Variants in SNTG1 observed in about 807,000 individuals in gnomAD.
SNTG1 encodes gamma-1-syntrophin.
SNTG1 carries 39 observed loss-of-function variants against 74.7 expected under a neutral mutation model. The observed-to-expected ratio is 0.52, with a 90% CI of 0.40 to 0.68. The LOEUF (loss-of-function observed/expected upper bound fraction) is 0.68. Among genes scored for constraint, SNTG1 ranks in the 30% least tolerant of loss-of-function variants. SNTG1 has a pLI of 0.00. For synonymous variants in SNTG1, 254 were observed against 217.1 expected, an observed-to-expected ratio of 1.17 and a Z score of -1.49; for missense variants, 685 against 609.5, an observed-to-expected ratio of 1.12 and a Z score of -1.30.
intron 15 of SNTG1, among the ~76,000 whole-genome samples, chr8:50,701,361 T>A (rs2131508314): frequency 6.6e-6 from 1 of 152,338 alleles, no homozygotes; most frequent in East Asian, 1.9e-4. Flanking sequence ...AATCATCCCA[T>A]GTCCTTCCCT....
intron 17 of SNTG1, among the ~76,000 whole-genome samples, chr8:50,724,209 C>T (rs946189021): frequency 2.6e-5 from 4 of 152,054 alleles, no homozygotes; most frequent in Non-Finnish European, 5.9e-5. Flanking sequence ...GGGTCACTGG[C>T]TGTGGAAGAT....
At chr8:50,058,663 A>G (rs904200228) in intron 1 of SNTG1, among the ~76,000 whole-genome samples, 1 of 152,142 alleles carries the variant, frequency 6.6e-6, no homozygotes. Flanking sequence ...ATGATGGCAC[A>G]ATAAAGCAAC....
chr8:49,964,773 A>G (rs766197737), intron 1 of SNTG1, among the ~76,000 whole-genome samples: 9 of 152,162 alleles, frequency 5.9e-5, no homozygotes, highest in African/African-American at 1.2e-4. Flanking sequence ...ATCCAGTTCC[A>G]TGATAGTAGG....
chr8:50,529,095 T>TTGTTATGTATTTGATATG (rs1436412888), intron 9 of SNTG1, among the ~76,000 whole-genome samples: 1 of 151,920 alleles, frequency 6.6e-6, no homozygotes, highest in Non-Finnish European at 1.5e-5. Flanking sequence ...ATGTTGTATT[T>TTGTTATGTATTTGATATG]TTATTTTTGT....
intron 1 of SNTG1, among the ~76,000 whole-genome samples, chr8:49,952,100 TATC>T (rs1412950988): frequency 2.0e-5 from 3 of 152,172 alleles, no homozygotes; most frequent in Non-Finnish European, 4.4e-5. Context: ...TAAATGTTTT[TATC>T]ATCAACAGAC....
chr8:50,383,549 A>G (rs1421086470), intron 2 of SNTG1, among the ~76,000 whole-genome samples: 1 of 152,194 alleles, frequency 6.6e-6, no homozygotes, highest in African/African-American at 2.4e-5. Context: ...GCAGCTGATC[A>G]TGTGGTGGTA....
At chr8:49,971,945 G>T (rs1811724478) in intron 1 of SNTG1, among the ~76,000 whole-genome samples, 1 of 152,166 alleles carries the variant, frequency 6.6e-6, no homozygotes, top group Non-Finnish European at 1.5e-5. Flanking sequence ...TCTGCCCAGG[G>T]TAATTTATAG....
intron 13 of SNTG1, among the ~76,000 whole-genome samples, chr8:50,616,680 G>A (rs541442947): frequency 5.3e-5 from 8 of 152,292 alleles, no homozygotes; most frequent in African/African-American, 1.4e-4. Flanking sequence ...CAATCAACAA[G>A]ATGTCACCAG....
At chr8:50,039,562 C>A (rs1472154080) in intron 1 of SNTG1, among the ~76,000 whole-genome samples, 1 of 149,904 alleles carries the variant, frequency 6.7e-6, no homozygotes, top group Non-Finnish European at 1.5e-5. Context: ...GATGCATCAA[C>A]TGATCCATTT....
intron 2 of SNTG1, among the ~76,000 whole-genome samples, chr8:50,385,092 A>C (rs996535187): frequency 1.3e-5 from 2 of 152,178 alleles, no homozygotes; most frequent in Non-Finnish European, 2.9e-5. Context: ...GACATGCCAA[A>C]GGCTCTAAAC....
At chr8:50,775,466 C>T (rs1306982283) in intron 18 of SNTG1, among the ~76,000 whole-genome samples, 1 of 151,404 alleles carries the variant, frequency 6.6e-6, no homozygotes, top group Non-Finnish European at 1.5e-5. Flanking sequence ...CTTTCTGTTT[C>T]TTTCTTCTCT....
chr8:50,465,997 G>T (rs1198459557), intron 8 of SNTG1, among the ~76,000 whole-genome samples: 1 of 152,038 alleles, frequency 6.6e-6, no homozygotes, highest in Non-Finnish European at 1.5e-5. Flanking sequence ...CTTTAGCTTT[G>T]TAAGAAACTG....
intron 8 of SNTG1, among the ~76,000 whole-genome samples, chr8:50,483,547 T>C (rs1489718742): frequency 6.6e-6 from 1 of 152,260 alleles, no homozygotes; most frequent in Non-Finnish European, 1.5e-5. Context: ...CTGCTAATGG[T>C]ATCAGGGTAT....
At chr8:50,307,322 T>G (rs1173686974) in intron 2 of SNTG1, among the ~76,000 whole-genome samples, 5 of 152,066 alleles carry the variant, frequency 3.3e-5, no homozygotes, top group Admixed American at 1.3e-4. Flanking sequence ...TAGGGTTATA[T>G]GAGATATTTA....
rs2094687543 is a variant in SNTG1 at position 50,590,930 on chromosome 8, C to T, written c.849+13C>T. 1.3e-6 allele frequency: 2 copies of T among 1,544,238 alleles called. No individual in the cohort carries two copies. The highest frequency in any genetic ancestry group is 2.4e-5 in the East Asian group (1 of 42,380). On this transcript the variant is annotated intron_variant, in intron 13 of 18. Coordinates refer to ENST00000642720, the MANE Select transcript of SNTG1 (RefSeq NM_018967.5). Reference sequence around the variant, plus strand: ...TGTAAACCAGCAGGTAAGATCAAAGCATACTTGGAAAGCTAAATAATATAT... The same window carrying T: ...TGTAAACCAGCAGGTAAGATCAAAGTATACTTGGAAAGCTAAATAATATAT...
rs1275729581 is a variant in SNTG1, at chr8:50,314,314, TTGA to T, written c.-27-79896_-27-79894del. ...CTTTTTATCTCTTGTTTTGATCAAC[TTGA>T]TTGGGACATGCTTCAGTGTAGCTAT... On this transcript the variant is annotated intron_variant, in intron 2 of 18. Transcript: ENST00000642720. Among the ~76,000 whole-genome samples the T allele has an allele frequency of 2.7e-5, 4 of 149,712 alleles. 1 individual carries two copies. In the Admixed American group the frequency reaches 2.7e-4, roughly 10 times the overall value.
intron 2 of SNTG1, among the ~76,000 whole-genome samples, chr8:50,193,793 T>G (rs2083665173): frequency 1.3e-5 from 2 of 152,152 alleles, no homozygotes; most frequent in African/African-American, 2.4e-5. Flanking sequence ...TTCAGTATTA[T>G]GTTGGCTGTG....
At chr8:50,031,324 C>T (rs1817724119) in intron 1 of SNTG1, among the ~76,000 whole-genome samples, 1 of 151,900 alleles carries the variant, frequency 6.6e-6, no homozygotes, top group Non-Finnish European at 1.5e-5. Context: ...ATTTGTATGT[C>T]TTTTATTTCC....
intron 12 of SNTG1, among the ~76,000 whole-genome samples, chr8:50,562,860 C>T (rs571939706): frequency 6.6e-6 from 1 of 152,228 alleles, no homozygotes; most frequent in South Asian, 2.1e-4. Context: ...TATAGTAATA[C>T]CACTAGAGTT....
Sources: gnomAD v4.1 joint callset for allele counts (sites outside exome capture counted in the v4.1 genomes callset) on GRCh38, gnomAD v4.1.1 for gene constraint, MANE v1.5 for transcripts, NCBI Gene and HGNC (gene_info 2026-07-23, HGNC 2026-07-21) for gene names.